Variants in GRM1 observed in about 807,000 individuals in gnomAD.
GRM1 encodes metabotropic glutamate receptor 1.
GRM1 carries 33 observed loss-of-function variants against 90.9 expected under a neutral mutation model. The observed-to-expected ratio is 0.36, with a 90% CI of 0.28 to 0.49. The LOEUF (loss-of-function observed/expected upper bound fraction) is 0.49, where lower values mean the gene tolerates loss of function less well. Among genes scored for constraint, GRM1 ranks in the 20% least tolerant of loss-of-function variants. GRM1 has a pLI of 0.99. For missense variants in GRM1, 1,190 were observed against 1,534.3 expected (o/e 0.78, Z 3.75); for synonymous variants, 700 against 613.2 (o/e 1.14, Z -2.09).
At chr6:146,080,205 T>C (rs1015971595) in intron 1 of GRM1, among the ~76,000 whole-genome samples, 1 of 152,092 alleles carries the variant, frequency 6.6e-6, no homozygotes, top group Non-Finnish European at 1.5e-5. Flanking sequence ...GAGGGTGATA[T>C]AGCAATTAAG....
At chr6:146,373,410 G>A (rs527863415) in intron 5 of GRM1, among the ~76,000 whole-genome samples, 27 of 152,238 alleles carry the variant, frequency 1.8e-4, no homozygotes, top group African/African-American at 6.5e-4. Flanking sequence ...GAGAGAAAGT[G>A]AAGGGGGAAG....
At chr6:146,036,693 T>G (rs138648110) in intron 1 of GRM1, among the ~76,000 whole-genome samples, 3 of 152,074 alleles carry the variant, frequency 2.0e-5, no homozygotes, top group African/African-American at 7.2e-5. Context: ...TTATCTATTT[T>G]ATTTATTTCA....
intron 3 of GRM1, among the ~76,000 whole-genome samples, chr6:146,319,646 G>A (rs146414987): frequency 1.1e-3 from 169 of 152,196 alleles, no homozygotes; most frequent in Middle Eastern, 3.4e-3. Context: ...TCCTTGAGCC[G>A]TGGTTTGTAG....
At chr6:146,427,683 A>G (rs1351680930) in intron 7 of GRM1, among the ~76,000 whole-genome samples, 2 of 152,158 alleles carry the variant, frequency 1.3e-5, no homozygotes, top group African/African-American at 4.8e-5. Context: ...ATTGATTCTT[A>G]GAAGAACAAA....
intron 2 of GRM1, among the ~76,000 whole-genome samples, chr6:146,161,521 T>C (rs1245232934): frequency 6.6e-6 from 1 of 152,184 alleles, no homozygotes; most frequent in African/African-American, 2.4e-5. Flanking sequence ...GTCAGCTACA[T>C]GTGATGTCTA....
At chr6:146,286,917 C>T (rs554105097) in intron 2 of GRM1, among the ~76,000 whole-genome samples, 12 of 152,238 alleles carry the variant, frequency 7.9e-5, no homozygotes, top group African/African-American at 2.9e-4. Context: ...CATATTATCC[C>T]TCTAGGGGAA....
intron 1 of GRM1, among the ~76,000 whole-genome samples, chr6:146,150,944 A>G (rs1212253481): frequency 7.0e-4 from 105 of 149,230 alleles, no homozygotes; most frequent in South Asian, 1.0e-3. Context: ...GCGCGCACAC[A>G]CACACACACA....
At chr6:146,125,870 A>T (rs987356635) in intron 1 of GRM1, among the ~76,000 whole-genome samples, 9 of 152,162 alleles carry the variant, frequency 5.9e-5, no homozygotes, top group African/African-American at 1.9e-4. Flanking sequence ...AATGAAAATC[A>T]AAATAAACTG....
At chr6:146,170,400 T>C (rs1778072896) in intron 2 of GRM1, among the ~76,000 whole-genome samples, 1 of 152,258 alleles carries the variant, frequency 6.6e-6, no homozygotes, top group East Asian at 1.9e-4. Flanking sequence ...TTTATATGTA[T>C]GTTGGTACAC....
At chr6:146,143,739 G>C (rs1351301663) in intron 1 of GRM1, among the ~76,000 whole-genome samples, 1 of 152,144 alleles carries the variant, frequency 6.6e-6, no homozygotes, top group South Asian at 2.1e-4. Flanking sequence ...TGCTAAGCAG[G>C]TACTTACTTT....
chr6:146,178,289 T>G (rs988613316), intron 2 of GRM1, among the ~76,000 whole-genome samples: 14 of 152,306 alleles, frequency 9.2e-5, no homozygotes, highest in African/African-American at 3.1e-4. Flanking sequence ...TTTTTCTCAT[T>G]AGTAGACTGG....
At chr6:146,111,028 A>C (rs1334711314) in intron 1 of GRM1, among the ~76,000 whole-genome samples, 2 of 152,226 alleles carry the variant, frequency 1.3e-5, no homozygotes, top group South Asian at 4.1e-4. Flanking sequence ...GAGTCCATAC[A>C]CAGCTGGCTG....
At chr6:146,386,394 T>C (rs1776502803) in intron 5 of GRM1, among the ~76,000 whole-genome samples, 1 of 152,100 alleles carries the variant, frequency 6.6e-6, no homozygotes, top group African/African-American at 2.4e-5. Flanking sequence ...TGTTTTTATG[T>C]ATATATAGTT....
At chr6:146,419,504 G>A (rs2223772) in intron 7 of GRM1, among the ~76,000 whole-genome samples, 1,961 of 152,292 alleles carry the variant, frequency 0.013, 49 homozygotes, top group African/African-American at 0.045. Context: ...AAATTTGCCA[G>A]TTCAGGGCAC....
intron 2 of GRM1, among the ~76,000 whole-genome samples, chr6:146,205,579 C>T (rs962742132): frequency 6.6e-6 from 1 of 152,090 alleles, no homozygotes; most frequent in Admixed American, 6.5e-5. Flanking sequence ...TAGTCTGAAC[C>T]TGAATTGTTA....
intron 2 of GRM1, among the ~76,000 whole-genome samples, chr6:146,249,721 C>A (rs760862398): frequency 8.5e-5 from 13 of 152,114 alleles, no homozygotes; most frequent in Non-Finnish European, 1.9e-4. Flanking sequence ...CCTAGTGGAG[C>A]TGTGAGAAGA....
intron 1 of GRM1, among the ~76,000 whole-genome samples, chr6:146,094,893 C>T (rs1284970668): frequency 6.6e-6 from 1 of 151,944 alleles, no homozygotes; most frequent in Non-Finnish European, 1.5e-5. Context: ...TATGAGCTGC[C>T]ACAAGACAAT....
At chr6:146,288,162 G>A (rs1782833417) in intron 2 of GRM1, among the ~76,000 whole-genome samples, 1 of 152,166 alleles carries the variant, frequency 6.6e-6, no homozygotes, top group Admixed American at 6.5e-5. Context: ...GTGAAAACAT[G>A]GCTGTTAATG....
intron 2 of GRM1, among the ~76,000 whole-genome samples, chr6:146,234,896 C>G (rs1014100834): frequency 6.6e-6 from 1 of 152,038 alleles, no homozygotes; most frequent in Admixed American, 6.6e-5. Flanking sequence ...GCATGGGCCA[C>G]CACGCCGGAC....
Sources: allele counts gnomAD v4.1 joint callset (sites outside exome capture counted in the v4.1 genomes callset), GRCh38; gene constraint gnomAD v4.1.1; transcripts MANE v1.5; gene names NCBI Gene and HGNC (gene_info 2026-07-23, HGNC 2026-07-21).